Variants in XIRP2 observed in about 807,000 individuals in gnomAD.
The protein encoded by XIRP2 is xin actin-binding repeat-containing protein 2.
XIRP2 carries 236 observed loss-of-function variants against 277.0 expected under a neutral mutation model. That is an observed-to-expected ratio of 0.85 (90% CI 0.77 to 0.95). XIRP2 has a LOEUF of 0.95. Among genes scored for constraint, XIRP2 ranks in the 40% least tolerant of loss-of-function variants. The pLI, the probability that XIRP2 is intolerant of heterozygous loss-of-function variation, is 0.00. For missense variants in XIRP2, 4,640 were observed against 4,157.5 expected, an observed-to-expected ratio of 1.12 and a Z score of -3.19; for synonymous variants, 1,490 against 1,416.5, an observed-to-expected ratio of 1.05 and a Z score of -1.17.
intron 2 of XIRP2, among the ~76,000 whole-genome samples, chr2:167,007,754 C>A (rs905020355): frequency 3.4e-5 from 5 of 148,776 alleles, no homozygotes; most frequent in Admixed American, 6.8e-5. Context: ...TGAAGCTTGG[C>A]AGAGAAAATA....
chr2:167,011,028 A>T (rs534250138), intron 2 of XIRP2, among the ~76,000 whole-genome samples: 42 of 151,918 alleles, frequency 2.8e-4, no homozygotes, highest in Admixed American at 6.6e-5. Context: ...CAGGGCCAAT[A>T]TGACTTCCTC....
intron 2 of XIRP2, among the ~76,000 whole-genome samples, chr2:166,997,594 A>G (rs1208346595): frequency 1.3e-5 from 2 of 152,126 alleles, no homozygotes; most frequent in East Asian, 3.9e-4. Context: ...TCATAAAATG[A>G]ATTTTGCTAA....
chr2:167,112,043 CCTT>C (rs960654054), intron 2 of XIRP2, among the ~76,000 whole-genome samples: 15 of 151,896 alleles, frequency 9.9e-5, no homozygotes, highest in African/African-American at 3.6e-4. Context: ...TTTATTTAGA[CCTT>C]CTCTCTTTTT....
intron 3 of XIRP2, among the ~76,000 whole-genome samples, chr2:167,144,058 AT>A (rs1003359528): frequency 6.6e-6 from 1 of 152,056 alleles, no homozygotes; most frequent in African/African-American, 2.4e-5. Context: ...TTAATTATAA[AT>A]TTTTAACTTT....
At position 167,234,320 on chromosome 2, in the gene XIRP2, A is replaced by G. The variant is rs903070973; in HGVS notation, c.859-5535A>G. On this transcript the variant is annotated intron_variant, in intron 5 of 10. Transcript: ENST00000409195. ...TTTATGCAATATATCTGCATAATTC[A>G]TGCTTTGGTATATATTTGGCATTCT... Among the ~76,000 whole-genome samples the G allele has an allele frequency of 2.0e-5, 3 of 151,344 alleles. No homozygotes were observed. The East Asian group carries it at 5.8e-4, about 29-fold the overall frequency.
At chr2:166,942,118 A>G (rs937566672) in intron 2 of XIRP2, among the ~76,000 whole-genome samples, 1 of 152,178 alleles carries the variant, frequency 6.6e-6, no homozygotes, top group African/African-American at 2.4e-5. Flanking sequence ...GAAGTGACCA[A>G]TATGACCACA....
chr2:167,243,247 T>C lies in XIRP2; in HGVS notation c.1855T>C (p.Trp619Arg). Residue 619 changes from tryptophan (W) to arginine (R), a missense_variant, in exon 9 of 11, where the codon TGG (tryptophan) becomes CGG (arginine). By Grantham distance (101) the Trp-to-Arg change is moderately radical (BLOSUM62 -3). Transcript: ENST00000409195. Reference sequence around the variant, plus strand: ...TGGTGGTGATGTGAAATATACCACATGGATGTTTGAAACCCAACCCATCGA... The same window carrying C: ...TGGTGGTGATGTGAAATATACCACACGGATGTTTGAAACCCAACCCATCGA... ...IAGGDVKYTT[W>R]MFETQPIDTL... The C allele has an allele frequency of 1.1e-5, 18 of 1,613,696 alleles. No homozygotes were observed. Among genetic ancestry groups the C allele is most frequent in the Admixed American group, 1.7e-5 (1 of 59,996 alleles).
intron 3 of XIRP2, among the ~76,000 whole-genome samples, chr2:167,153,454 A>T (rs1574302375): frequency 1.3e-5 from 2 of 151,872 alleles, no homozygotes; most frequent in African/African-American, 2.4e-5. Flanking sequence ...CATGTGCACA[A>T]TGTGCAGGTT....
intron 2 of XIRP2, among the ~76,000 whole-genome samples, chr2:166,969,693 C>T (rs1417172001): frequency 6.6e-6 from 1 of 151,234 alleles, no homozygotes; most frequent in African/African-American, 2.4e-5. Flanking sequence ...TCAAAGAACT[C>T]ATTAAAACCA....
At chr2:167,083,787 T>G (rs1316689708) in intron 2 of XIRP2, among the ~76,000 whole-genome samples, 1 of 152,192 alleles carries the variant, frequency 6.6e-6, no homozygotes, top group African/African-American at 2.4e-5. Flanking sequence ...TGTGCATTGA[T>G]TTTGTATCCT....
chr2:166,978,929 C>T (rs1025760624), intron 2 of XIRP2, among the ~76,000 whole-genome samples: 7 of 152,086 alleles, frequency 4.6e-5, no homozygotes, highest in African/African-American at 1.7e-4. Context: ...CATGCCACTG[C>T]ATTCCAGCCT....
chr2:167,257,816 A>G, intron 10 of XIRP2, 41 bp from the exon 11 acceptor site: 1 of 1,537,130 alleles, frequency 6.5e-7, no homozygotes, highest in Non-Finnish European at 8.7e-7. Flanking sequence ...ATGAACTTAC[A>G]GTAAATACGA....
chr2:167,253,697 A>T (rs1695578604), intron 9 of XIRP2, among the ~76,000 whole-genome samples: 1 of 151,664 alleles, frequency 6.6e-6, no homozygotes, highest in African/African-American at 2.4e-5. Flanking sequence ...ATATATATAT[A>T]AAAAATATAC....
chr2:166,940,436 T>C (rs143696495), intron 2 of XIRP2, among the ~76,000 whole-genome samples: 5,833 of 152,324 alleles, frequency 0.038, 162 homozygotes, highest in South Asian at 0.12. Flanking sequence ...GAAGCCTTCT[T>C]CTCTCAACTC....
intron 5 of XIRP2, among the ~76,000 whole-genome samples, chr2:167,221,963 C>T (rs1158888403): frequency 6.6e-6 from 1 of 152,154 alleles, no homozygotes; most frequent in Non-Finnish European, 1.5e-5. Context: ...TCCAATCTGT[C>T]TGTTTGCTTC....
chr2:167,250,493 T>A lies in XIRP2; in HGVS notation c.9101T>A (p.Met3034Lys). 6.2e-7 allele frequency: 1 copy of A among 1,613,560 alleles called. No homozygotes were observed. The highest frequency in any genetic ancestry group is 8.5e-7 in the Non-Finnish European group (1 of 1,179,704). Residue 3034 changes from methionine to lysine, a missense_variant, in exon 9 of 11, where the codon ATG (methionine) becomes AAG (lysine). Coordinates refer to ENST00000409195, the MANE Select transcript of XIRP2 (RefSeq NM_152381.6). ...TATGAAAATATAATTCAGACAGCCA[T>A]GATGTCCTCCAAAACAGGAAAACCG... ...VSYENIIQTA[M>K]MSSKTGKPGN...
rs1194728497 is a variant in XIRP2 at position 167,250,211 on chromosome 2, G to T, written c.8819G>T (p.Gly2940Val). ...VKESQRDDGK[G>V]ALNIVEFLRK... ...GAATCCCAGCGGGATGATGGAAAAG[G>T]TGCCTTAAATATAGTGGAATTCTTG... The change falls in exon 9 of 11, where the codon GGT becomes GTT. Residue 2940 changes from glycine (G) to valine (V), a missense_variant. Transcript: ENST00000409195. 2.5e-6 allele frequency: 4 copies of T among 1,613,556 alleles called. No individual in the cohort carries two copies. The highest frequency in any genetic ancestry group is 2.2e-5 in the South Asian group (2 of 91,054).
At chr2:167,010,440 G>A (rs1383962789) in intron 2 of XIRP2, among the ~76,000 whole-genome samples, 2 of 151,754 alleles carry the variant, frequency 1.3e-5, no homozygotes, top group African/African-American at 4.8e-5. Flanking sequence ...TCTCTGTTTT[G>A]GTACCAGTAC....
chr2:167,226,017 G>C (rs1694588711), intron 5 of XIRP2, among the ~76,000 whole-genome samples: 1 of 152,128 alleles, frequency 6.6e-6, no homozygotes, highest in East Asian at 1.9e-4. Context: ...TGCACGAGCT[G>C]GTTGATGCAG....
Sources: allele counts gnomAD v4.1 joint callset (sites outside exome capture counted in the v4.1 genomes callset), GRCh38; gene constraint gnomAD v4.1.1; transcripts MANE v1.5; gene names NCBI Gene and HGNC (gene_info 2026-07-23, HGNC 2026-07-21).